TXK: variants seen among roughly 807,000 people sequenced by gnomAD.
The protein encoded by TXK is tyrosine-protein kinase TXK.
A neutral mutation model predicts 81.0 loss-of-function variants in TXK; 60 were observed. That is an observed-to-expected ratio of 0.74 (90% CI 0.60 to 0.92). The LOEUF is 0.92. Ranked by LOEUF, TXK falls within the 40% of genes least tolerant of loss-of-function variation. The probability of loss-of-function intolerance (pLI) is 0.00; values close to 1 mark genes in which losing one functional copy is unlikely to be tolerated. For synonymous variants in TXK, 203 were observed against 210.7 expected, an observed-to-expected ratio of 0.96 and a Z score of 0.32; for missense variants, 581 against 638.3, an observed-to-expected ratio of 0.91 and a Z score of 0.97.
intron 10 of TXK, among the ~76,000 whole-genome samples, chr4:48,081,826 C>A (rs749670240): frequency 6.6e-6 from 1 of 152,144 alleles, no homozygotes; most frequent in Non-Finnish European, 1.5e-5. Context: ...TCCCCCTAAA[C>A]CCGTTTGGTC....
intron 5 of TXK, among the ~76,000 whole-genome samples, chr4:48,107,899 TAAAAAAAA>T: frequency 7.8e-6 from 1 of 128,804 alleles, no homozygotes; most frequent in African/African-American, 3.5e-5. Flanking sequence ...TGTCTCTACT[TAAAAAAAA>T]AAAAAAAAAA....
intron 1 of TXK, among the ~76,000 whole-genome samples, chr4:48,121,375 A>C (rs1052321814): frequency 1.3e-5 from 2 of 152,176 alleles, no homozygotes; most frequent in Non-Finnish European, 2.9e-5. Context: ...TGCTCAGGTA[A>C]ATAATCTTAG....
At chr4:48,072,381 G>A (rs1194169469) in intron 13 of TXK, among the ~76,000 whole-genome samples, 1 of 152,174 alleles carries the variant, frequency 6.6e-6, no homozygotes, top group Non-Finnish European at 1.5e-5. Flanking sequence ...CATAGAAACT[G>A]ACAGGATTAT....
chr4:48,074,463 G>A (rs1287087974), intron 12 of TXK, among the ~76,000 whole-genome samples: 1 of 152,154 alleles, frequency 6.6e-6, no homozygotes, highest in Non-Finnish European at 1.5e-5. Context: ...TTCAAAGTTG[G>A]ATGTCGAATT....
In TXK at chr4:48,086,449, G is replaced by A. The variant is rs1174824952; in HGVS notation, c.956+17C>T. ...AGGGCATGGTATGATATTTATCAGG[G>A]TGTTGTTTATACGTACATCATCACT... On this transcript the variant is annotated intron_variant, in intron 10 of 14. Coordinates refer to ENST00000264316, the MANE Select transcript of TXK (RefSeq NM_003328.3). The A allele has an allele frequency of 1.2e-6, 2 of 1,612,996 alleles. No homozygotes were observed. Among genetic ancestry groups the A allele is most frequent in the East Asian group, 2.2e-5 (1 of 44,848 alleles).
At chr4:48,073,818 C>T (rs375853086) in intron 13 of TXK, 117 bp downstream of exon 13, 24 of 707,592 alleles carry the variant, frequency 3.4e-5, no homozygotes, top group African/African-American at 3.3e-4. Context: ...GAAGGAAGCA[C>T]AATTACAAGA....
At chr4:48,094,605 A>G (rs1398482265) in intron 7 of TXK, among the ~76,000 whole-genome samples, 1 of 152,222 alleles carries the variant, frequency 6.6e-6, no homozygotes, top group African/African-American at 2.4e-5. Context: ...TACTATGGGC[A>G]ATTGGGGCTC....
At chr4:48,097,302 G>T (rs1482405079) in intron 6 of TXK, among the ~76,000 whole-genome samples, 1 of 151,932 alleles carries the variant, frequency 6.6e-6, no homozygotes, top group Non-Finnish European at 1.5e-5. Flanking sequence ...TTGGAAACTC[G>T]AATGAAATGG....
At chr4:48,077,466 T>C (rs887275229) in intron 11 of TXK, among the ~76,000 whole-genome samples, 2 of 152,030 alleles carry the variant, frequency 1.3e-5, no homozygotes, top group African/African-American at 2.4e-5. Flanking sequence ...CGGACATATT[T>C]TAAGTAGCAT....
intron 9 of TXK, 22 bp from the exon 10 acceptor site, chr4:48,086,659 G>C: frequency 6.2e-7 from 1 of 1,606,154 alleles, no homozygotes; most frequent in Non-Finnish European, 8.5e-7. Flanking sequence ...AAACATCCAT[G>C]TTACAAGTAG....
intron 1 of TXK, among the ~76,000 whole-genome samples, chr4:48,125,948 G>A (rs1045794501): frequency 2.6e-5 from 4 of 152,164 alleles, no homozygotes; most frequent in Admixed American, 2.0e-4. Flanking sequence ...CATGATGGAG[G>A]GTGACCCACT....
At chr4:48,112,558 T>C (rs1238141940) in intron 3 of TXK, 46 bp from the exon 4 acceptor site, 1 of 1,540,072 alleles carries the variant, frequency 6.5e-7, no homozygotes, top group Non-Finnish European at 8.7e-7. Context: ...TTTTAATAAT[T>C]TGTACTAAAA....
Position 48,134,225 on chromosome 4 carries a change from T to C in TXK, c.-55A>G. On this transcript the variant is annotated 5_prime_UTR_variant, in exon 1 of 15. An upstream open reading frame in the 5' UTR loses its in-frame stop. Transcript: ENST00000264316. Reference sequence around the variant, plus strand: ...AGTCTTCAGTTCTTCTGCGGTGCTCTACTCACAAAAACACATCTTTCAACT... The same window carrying C: ...AGTCTTCAGTTCTTCTGCGGTGCTCCACTCACAAAAACACATCTTTCAACT... 3.1e-6 allele frequency: 5 copies of C among 1,602,854 alleles called. No individual in the cohort carries two copies. In the South Asian group the frequency reaches 4.5e-5, roughly 14 times the overall value.
At chr4:48,129,704 G>A (rs1719191814) in intron 1 of TXK, among the ~76,000 whole-genome samples, 1 of 152,192 alleles carries the variant, frequency 6.6e-6, no homozygotes, top group South Asian at 2.1e-4. Flanking sequence ...CCCTTGTTTG[G>A]TCTATGAGGC....
At chr4:48,104,791 G>T in intron 6 of TXK, 110 bp downstream of exon 6, 1 of 768,698 alleles carries the variant, frequency 1.3e-6, no homozygotes, top group East Asian at 2.9e-5. Flanking sequence ...GGGATGTAAT[G>T]ATATTTTAGA....
chr4:48,073,300 G>A (rs772332842), intron 13 of TXK, among the ~76,000 whole-genome samples: 1 of 151,976 alleles, frequency 6.6e-6, no homozygotes, highest in Non-Finnish European at 1.5e-5. Context: ...GGAAGTTTGG[G>A]GTGAAAGAGG....
chr4:48,080,662 T>TCTCACACACACACACA (rs370259787), intron 10 of TXK, among the ~76,000 whole-genome samples: 4 of 144,476 alleles, frequency 2.8e-5, no homozygotes, highest in African/African-American at 1.0e-4. Flanking sequence ...TATTTGGTAA[T>TCTCACACACACACACA]CACACACACA....
chr4:48,088,387 T>C (rs557082077), intron 9 of TXK, among the ~76,000 whole-genome samples: 23 of 152,232 alleles, frequency 1.5e-4, no homozygotes, highest in Non-Finnish European at 2.2e-4. Flanking sequence ...CTTAACAATA[T>C]TATTTGTAAG....
At chr4:48,098,248 G>C (rs1718061935) in intron 6 of TXK, among the ~76,000 whole-genome samples, 1 of 152,078 alleles carries the variant, frequency 6.6e-6, no homozygotes, top group Non-Finnish European at 1.5e-5. Flanking sequence ...GAAAACTACT[G>C]ACCAGTCTTA....
Sources: gnomAD v4.1 joint callset for allele counts (sites outside exome capture counted in the v4.1 genomes callset) on GRCh38, gnomAD v4.1.1 for gene constraint, MANE v1.5 for transcripts, NCBI Gene and HGNC (gene_info 2026-07-23, HGNC 2026-07-21) for gene names.